PIK3C2A: variants seen among roughly 807,000 people sequenced by gnomAD.
PIK3C2A encodes the protein phosphatidylinositol-4-phosphate 3-kinase catalytic subunit type 2 alpha.
PIK3C2A carries 97 observed loss-of-function variants against 204.5 expected under a neutral mutation model. That is an observed-to-expected ratio of 0.47 (90% CI 0.40 to 0.56). PIK3C2A has a LOEUF of 0.56. Among genes scored for constraint, PIK3C2A ranks in the 20% least tolerant of loss-of-function variants. The pLI is 0.00. For missense variants in PIK3C2A, 1,735 were observed against 1,969.2 expected, an observed-to-expected ratio of 0.88 and a Z score of 2.25; for synonymous variants, 653 against 664.4, an observed-to-expected ratio of 0.98 and a Z score of 0.26.
intron 1 of PIK3C2A, among the ~76,000 whole-genome samples, chr11:17,195,735 T>A (rs1169732808): frequency 7.8e-6 from 1 of 128,430 alleles, no homozygotes; most frequent in Admixed American, 8.9e-5. Context: ...AGAGCAAGAC[T>A]CTATTGCAAA....
rs764095115 is a variant in PIK3C2A at position 17,169,729 on chromosome 11, A to G, written c.13T>C (p.Ser5Pro). 3.8e-6 allele frequency: 6 copies of G among 1,595,494 alleles called. No individual in the cohort carries two copies. The Admixed American group carries it at 6.9e-5, about 18-fold the overall frequency. Residue 5 changes from serine to proline, a missense_variant, in exon 2 of 33, where the codon TCT (serine) becomes CCT (proline). Physicochemically the swap from Ser to Pro is moderately conservative, Grantham distance 74 (BLOSUM62 -1). Coordinates refer to ENST00000691414, the MANE Select transcript of PIK3C2A (RefSeq NM_002645.4). Reference sequence around the variant, plus strand: ...CATTCTTTAAATCCGCTGTTGCTAGATATCTGAGCCATGTCCACTAAAAAG... The same window carrying G: ...CATTCTTTAAATCCGCTGTTGCTAGGTATCTGAGCCATGTCCACTAAAAAG... MAQI[S>P]SNSGFKECPS...
rs745832679 is a variant in PIK3C2A, at chr11:17,122,708, C to G, written c.2505G>C (p.Val835=). ...TKKGYVMERI[V]LQVDFPSPAF... is the part of the protein sequence containing the mutation. ...TGTCAAGAAGTACCATTACCTGTAG[C>G]ACTATTCTTTCCATGACATATCCTT... Residue 835 remains valine, a synonymous_variant, in exon 14 of 33, where the codon GTG becomes GTC. Transcript: ENST00000691414. 2.3e-5 allele frequency: 31 copies of G among 1,324,714 alleles called. No individual in the cohort carries two copies. The highest frequency in any genetic ancestry group is 3.3e-5 in the Non-Finnish European group (30 of 920,926). 82.1% of individuals were successfully genotyped at this position (1,324,714 alleles called of 1,614,324 possible).
Position 17,136,594 on chromosome 11 carries a change from T to C in PIK3C2A, c.1736A>G (p.Lys579Arg), listed in dbSNP as rs773916090. 6.3e-7 allele frequency: 1 copy of C among 1,590,084 alleles called. No individual in the cohort carries two copies. Among genetic ancestry groups the C allele is most frequent in the East Asian group, 2.2e-5 (1 of 44,700 alleles). The change falls in exon 9 of 33, where the codon AAA becomes AGA. Residue 579 changes from lysine to arginine, a missense_variant. Around this residue, in one of 6 missense-constraint regions of PIK3C2A, gnomAD observed 106 missense variants for 108.2 expected, o/e 0.98. Transcript: ENST00000691414. The part of the protein sequence containing the change: ...NQHRAVDQVI[K>R]AVRKICSALD... ...AGCACTACAGATTTTTCTTACAGCT[T>C]TAATTACTTGATCTACTGCTCGGTG...
intron 1 of PIK3C2A, among the ~76,000 whole-genome samples, chr11:17,200,460 CAA>C (rs1350387019): frequency 6.6e-6 from 1 of 151,964 alleles, no homozygotes; most frequent in East Asian, 1.9e-4. Context: ...TATTGAATCT[CAA>C]AAGTGTTATG....
In PIK3C2A at chr11:17,123,007, T is replaced by C. The variant is rs150345530; in HGVS notation, c.2400-194A>G. On this transcript the variant is annotated intron_variant, in intron 13 of 32. Coordinates refer to ENST00000691414, the MANE Select transcript of PIK3C2A (RefSeq NM_002645.4). ...GGTGTAGGGTAAATGTATTGAAATG[T>C]AGGGTGGGAACAAAGAGAGGGAGAA... Among the ~76,000 whole-genome samples the C allele has an allele frequency of 6.5e-3, 987 of 152,220 alleles. 4 individuals carry two copies. The highest frequency in any genetic ancestry group is 0.01 in the Non-Finnish European group (712 of 68,004).
chr11:17,194,362 C>T (rs765704804), intron 1 of PIK3C2A: 1 of 253,086 alleles, frequency 4.0e-6, no homozygotes, highest in Non-Finnish European at 7.8e-6. Context: ...GCCCAGGCTG[C>T]CGTCTGCATG....
At chr11:17,173,733 T>A (rs1217456369) in intron 1 of PIK3C2A, among the ~76,000 whole-genome samples, 8 of 152,236 alleles carry the variant, frequency 5.3e-5, no homozygotes, top group African/African-American at 1.7e-4. Flanking sequence ...ATTTTTGGAG[T>A]TCCCCACAAC....
chr11:17,146,946 T>C (rs369071317), intron 6 of PIK3C2A, among the ~76,000 whole-genome samples: 2 of 152,276 alleles, frequency 1.3e-5, no homozygotes, highest in South Asian at 4.1e-4. Flanking sequence ...TCTTTAGAGA[T>C]TAAAAATTCG....
intron 1 of PIK3C2A, among the ~76,000 whole-genome samples, chr11:17,184,128 G>T (rs1851665503): frequency 6.7e-6 from 1 of 148,746 alleles, no homozygotes; most frequent in Non-Finnish European, 1.5e-5. Flanking sequence ...TCTCTAAAAA[G>T]AAAAAAGATT....
chr11:17,176,326 C>T (rs1278677878), intron 1 of PIK3C2A, among the ~76,000 whole-genome samples: 1 of 150,720 alleles, frequency 6.6e-6, no homozygotes, highest in African/African-American at 2.5e-5. Flanking sequence ...TATTATACCA[C>T]CATTAAAAAT....
chr11:17,207,194 C>T (rs1045168439), intron 1 of PIK3C2A, among the ~76,000 whole-genome samples: 25 of 152,152 alleles, frequency 1.6e-4, no homozygotes, highest in Admixed American at 1.6e-3. Context: ...ATGATTCCTC[C>T]GTCACTCAGG....
At chr11:17,168,151 T>A (rs1851032759) in intron 2 of PIK3C2A, among the ~76,000 whole-genome samples, 1 of 152,138 alleles carries the variant, frequency 6.6e-6, no homozygotes, top group African/African-American at 2.4e-5. Context: ...TTATTTACAA[T>A]CCTAGAAAAA....
intron 1 of PIK3C2A, among the ~76,000 whole-genome samples, chr11:17,198,112 AT>A (rs58382152): frequency 4.3e-4 from 63 of 145,310 alleles, no homozygotes; most frequent in Admixed American, 2.2e-3. Flanking sequence ...AAACTGTGTG[AT>A]TTTTTTTTTT....
At chr11:17,152,838 A>G (rs546504620) in intron 3 of PIK3C2A, among the ~76,000 whole-genome samples, 2 of 152,148 alleles carry the variant, frequency 1.3e-5, no homozygotes, top group Non-Finnish European at 2.9e-5. Flanking sequence ...AGAAGAAAAG[A>G]GATAAAAATG....
At chr11:17,204,487 T>C (rs1310800301) in intron 1 of PIK3C2A, 1 of 152,208 alleles carries the variant, frequency 6.6e-6, no homozygotes, top group Non-Finnish European at 1.5e-5. Context: ...ATCCTGCCCT[T>C]ATGAATAGAA....
chr11:17,195,043 C>A (rs998801201), intron 1 of PIK3C2A, among the ~76,000 whole-genome samples: 1 of 152,050 alleles, frequency 6.6e-6, no homozygotes, highest in Non-Finnish European at 1.5e-5. Context: ...GAGGGTATGA[C>A]ACAATGAAAC....
In PIK3C2A at chr11:17,089,670, T is replaced by C; in HGVS notation, c.*68A>G. ...TAACAAGTGTGTGTGTGTGTGTCTGTGTGTGTGTGCATGTATGCATGCACG... is the reference window on the plus strand; with the variant it reads ...TAACAAGTGTGTGTGTGTGTGTCTGCGTGTGTGTGCATGTATGCATGCACG... On this transcript the variant is annotated 3_prime_UTR_variant, in exon 33 of 33. Coordinates refer to ENST00000691414, the MANE Select transcript of PIK3C2A (RefSeq NM_002645.4). 1 of 884,400 alleles carries C rather than the reference T, an allele frequency of 1.1e-6. No homozygotes were observed. The highest frequency in any genetic ancestry group is 1.8e-6 in the Non-Finnish European group (1 of 549,850). The allele number at this position is 884,400 out of a possible 1,614,324, so 54.8% of individuals were successfully genotyped here.
At chr11:17,145,373 TAGTG>T (rs779912111) in intron 8 of PIK3C2A, among the ~76,000 whole-genome samples, 2 of 152,046 alleles carry the variant, frequency 1.3e-5, no homozygotes, top group Non-Finnish European at 2.9e-5. Flanking sequence ...GTTCTCATGA[TAGTG>T]AGTGAGTTTT....
intron 16 of PIK3C2A, 43 bp from the exon 17 acceptor site, chr11:17,119,356 T>C (rs779027199): frequency 1.1e-5 from 12 of 1,136,438 alleles, no homozygotes; most frequent in African/African-American, 1.5e-5. Flanking sequence ...GTGATTTCTT[T>C]CCAGTGAAGC....
Sources: gnomAD v4.1 joint callset for allele counts (sites outside exome capture counted in the v4.1 genomes callset) on GRCh38, gnomAD v4.1.1 for gene constraint, gnomAD v4.1.1 regional missense constraint, MANE v1.5 for transcripts, NCBI Gene and HGNC (gene_info 2026-07-23, HGNC 2026-07-21) for gene names.